Variants in PBRM1 observed in about 807,000 individuals in gnomAD.
PBRM1 encodes the protein protein polybromo-1.
Under a neutral mutation model 194.5 loss-of-function variants are expected in PBRM1, and 27 were observed. That is an observed-to-expected ratio of 0.14 (90% CI 0.10 to 0.19). The LOEUF (loss-of-function observed/expected upper bound fraction) is 0.19. Among genes scored for constraint, PBRM1 ranks in the 10% least tolerant of loss-of-function variants. The probability of loss-of-function intolerance (pLI) is 1.00; values close to 1 mark genes in which losing one functional copy is unlikely to be tolerated. For synonymous variants in PBRM1, 655 were observed against 693.2 expected (o/e 0.94, Z 0.87); for missense variants, 1,466 against 2,077.2 (o/e 0.71, Z 5.72).
intron 3 of PBRM1, among the ~76,000 whole-genome samples, chr3:52,665,434 G>T (rs145426024): frequency 1.3e-5 from 2 of 152,012 alleles, no homozygotes; most frequent in Admixed American, 1.3e-4. Flanking sequence ...AAAGCGCTGG[G>T]ATTATAGGCA....
At chr3:52,563,909 T>A in intron 23 of PBRM1, 141 bp downstream of exon 25, 1 of 619,832 alleles carries the variant, frequency 1.6e-6, no homozygotes, top group Non-Finnish European at 2.7e-6. Flanking sequence ...TCCTTTAATC[T>A]TTAAGTGAAT....
intron 17 of PBRM1, among the ~76,000 whole-genome samples, chr3:52,601,048 TTA>T (rs1319573740): frequency 1.3e-5 from 2 of 152,168 alleles, no homozygotes; most frequent in Middle Eastern, 3.2e-3. Flanking sequence ...TACATTGATA[TTA>T]TATGTGTGTC....
At chr3:52,560,345 GTAGTAGGTC>G (rs557744238) in intron 25 of PBRM1, among the ~76,000 whole-genome samples, 281 of 152,316 alleles carry the variant, frequency 1.8e-3, no homozygotes, top group Non-Finnish European at 3.3e-3. Context: ...GCTCAGTGGT[GTAGTAGGTC>G]TTAACTTTCA....
At chr3:52,608,990 T>C in intron 16 of PBRM1, 1 of 243,480 alleles carries the variant, frequency 4.1e-6, no homozygotes, top group Admixed American at 5.1e-5. Context: ...AAAACGCTGT[T>C]ACTATTTCCA....
intron 17 of PBRM1, among the ~76,000 whole-genome samples, chr3:52,595,405 A>G (rs79570472): frequency 0.038 from 5,848 of 152,096 alleles, 380 homozygotes; most frequent in African/African-American, 0.13. Flanking sequence ...GTGATATGAT[A>G]TCTCATTGTT....
intron 15 of PBRM1, among the ~76,000 whole-genome samples, chr3:52,614,720 AC>A (rs2153465053): frequency 6.6e-6 from 1 of 151,786 alleles, no homozygotes; most frequent in East Asian, 1.9e-4. Context: ...ACAGGCATGT[AC>A]CCCCATGTCC....
chr3:52,658,334 A>G lies in PBRM1; in HGVS notation c.529-19T>C. The G allele has an allele frequency of 7.5e-7, 1 of 1,329,016 alleles. No individual in the cohort carries two copies. Among genetic ancestry groups the G allele is most frequent in the Non-Finnish European group, 1.1e-6 (1 of 923,610 alleles). 82.3% of individuals were successfully genotyped at this position (1,329,016 alleles called of 1,614,324 possible). A position where few individuals can be genotyped will look rare whatever the true frequency, so the allele number is the denominator to read the frequency against. On this transcript the variant is annotated intron_variant, in intron 4 of 29. Coordinates refer to ENST00000296302, the Ensembl canonical transcript of PBRM1. Reference sequence around the variant, plus strand: ...GAGAAGACTGGTAATGTGGAGAAAAAAGTACTTTCTAAGAGAAATAATAAA... The same window carrying G: ...GAGAAGACTGGTAATGTGGAGAAAAGAGTACTTTCTAAGAGAAATAATAAA...
intron 20 of PBRM1, among the ~76,000 whole-genome samples, chr3:52,584,021 A>G (rs2091917625): frequency 6.6e-6 from 1 of 152,170 alleles, no homozygotes; most frequent in South Asian, 2.1e-4. Flanking sequence ...TTAAATTTAA[A>G]AAAATCCCTC....
rs567284834 is a variant in PBRM1, at chr3:52,575,230, A to C, written c.3691+1311T>G. ...AAATACAATCTTTAAAACAAACCAA[A>C]CAAACAAACAAACAAACAAACGTTT... is the stretch of plus-strand genomic sequence containing the variant. On this transcript the variant is annotated intron_variant, in intron 22 of 29. Transcript: ENST00000296302. Among the ~76,000 whole-genome samples, 6 of 143,600 alleles carry C rather than the reference A, an allele frequency of 4.2e-5. No individual in the cohort carries two copies. The East Asian group carries it at 5.8e-4, about 14-fold the overall frequency. The allele number at this position is 143,600 out of a possible 152,430, so 94.2% of individuals were successfully genotyped here.
chr3:52,625,020 T>C (rs2095402875), intron 13 of PBRM1, 79 bp from the exon 15 acceptor site: 2 of 944,680 alleles, frequency 2.1e-6, no homozygotes, highest in African/African-American at 1.6e-5. Flanking sequence ...AAACCATGTA[T>C]GGTTGAAGAA....
In PBRM1 at chr3:52,587,477, C is replaced by T. The variant is rs750583919; in HGVS notation, c.2999G>A (p.Arg1000Gln). Reference sequence around the variant, plus strand: ...AGCCAGGTGGAATGTTTCATTTGGTCGGTAAAACCAACAGCCATACAACCA... The same window carrying T: ...AGCCAGGTGGAATGTTTCATTTGGTTGGTAAAACCAACAGCCATACAACCA... The change falls in exon 19 of 30, where the codon CGA (arginine) becomes CAA (glutamine). Residue 1000 changes from arginine to glutamine, a missense_variant. Physicochemically the swap from Arg to Gln is conservative, Grantham distance 43. Transcript: ENST00000296302. 12 of 1,610,302 alleles carry T rather than the reference C, an allele frequency of 7.5e-6. No homozygotes were observed. Among genetic ancestry groups the T allele is most frequent in the South Asian group, 4.4e-5 (4 of 90,472 alleles).
intron 10 of PBRM1, among the ~76,000 whole-genome samples, chr3:52,637,270 A>T (rs558518909): frequency 1.3e-5 from 2 of 152,278 alleles, no homozygotes; most frequent in East Asian, 3.9e-4. Flanking sequence ...ACTGTGACCA[A>T]CAAAGGTAAC....
In PBRM1 at chr3:52,658,429, G is replaced by C. The variant is rs1365324111; in HGVS notation, c.529-114C>G. The C allele has an allele frequency of 8.2e-6, 4 of 485,758 alleles. No homozygotes were observed. The East Asian group carries it at 1.4e-4, about 17-fold the overall frequency. The allele number at this position is 485,758 out of a possible 1,614,324, so 30.1% of individuals were successfully genotyped here. A position where few individuals can be genotyped will look rare whatever the true frequency, so the allele number is the denominator to read the frequency against. On this transcript the variant is annotated intron_variant, in intron 4 of 29. Coordinates refer to ENST00000296302, the Ensembl canonical transcript of PBRM1. The stretch of plus-strand genomic sequence containing the variant: ...AACAGCAACTTTTTTTTTTTTTTTT[G>C]AGATGGAGAGGCTGGAGTACAGTGG...
At chr3:52,627,356 C>A (rs1302976139) in exon 13 of PBRM1, 1 of 1,612,002 alleles carries the variant, frequency 6.2e-7, no homozygotes, top group African/African-American at 1.3e-5. Flanking sequence ...TCCTGGCAAG[C>A]TCTTTCTTCT....
intron 17 of PBRM1, among the ~76,000 whole-genome samples, chr3:52,597,164 T>TG (rs1037615099): frequency 3.3e-5 from 5 of 152,198 alleles, no homozygotes; most frequent in African/African-American, 1.2e-4. Flanking sequence ...CAGCTGATGC[T>TG]GGGGTATGGG....
intron 15 of PBRM1, among the ~76,000 whole-genome samples, chr3:52,610,624 A>C (rs1181784361): frequency 2.0e-5 from 3 of 152,228 alleles, no homozygotes; most frequent in Non-Finnish European, 4.4e-5. Context: ...ATGACTTCTT[A>C]CCATGACTTC....
intron 27 of PBRM1, among the ~76,000 whole-genome samples, chr3:52,552,651 AG>A (rs2153407335): frequency 6.6e-6 from 1 of 152,268 alleles, no homozygotes; most frequent in African/African-American, 2.4e-5. Flanking sequence ...GAAGGTGGAA[AG>A]GAAGACAGCT....
At chr3:52,611,572 G>T (rs1203387113) in intron 15 of PBRM1, among the ~76,000 whole-genome samples, 1 of 152,204 alleles carries the variant, frequency 6.6e-6, no homozygotes, top group Non-Finnish European at 1.5e-5. Flanking sequence ...GGGAGGCCAA[G>T]GTGGGCAGAT....
chr3:52,577,378 C>T (rs1471717622), intron 21 of PBRM1, among the ~76,000 whole-genome samples: 1 of 140,216 alleles, frequency 7.1e-6, no homozygotes. Context: ...TTGCAGTGAG[C>T]CAAGATCATG....
Sources: allele counts gnomAD v4.1 joint callset (sites outside exome capture counted in the v4.1 genomes callset), GRCh38; gene constraint gnomAD v4.1.1; transcripts MANE v1.5; gene names NCBI Gene and HGNC (gene_info 2026-07-23, HGNC 2026-07-21).